ST6GALNAC6: variants seen among roughly 807,000 people sequenced by gnomAD.
ST6GALNAC6 encodes alpha-N-acetylgalactosaminide alpha-2,6-sialyltransferase 6.
In ST6GALNAC6, 19 loss-of-function variants were observed where a neutral mutation model predicts 34.3. That is an observed-to-expected ratio of 0.55 (90% CI 0.39 to 0.81). ST6GALNAC6 has a LOEUF of 0.81. Ranked by LOEUF, ST6GALNAC6 falls within the 40% of genes least tolerant of loss-of-function variation. ST6GALNAC6 has a pLI of 0.00. For synonymous variants in ST6GALNAC6, 185 were observed against 182.1 expected, an observed-to-expected ratio of 1.02 and a Z score of -0.13; for missense variants, 377 against 467.7, an observed-to-expected ratio of 0.81 and a Z score of 1.79.
At chr9:127,906,093 G>T (rs1830910001), upstream of ST6GALNAC6, 2 of 938,784 alleles carry the variant, frequency 2.1e-6, no homozygotes, top group East Asian at 1.2e-4. Flanking sequence ...GGGCACAAAA[G>T]CGGTGCTGTG....
At position 127,886,425 on chromosome 9, in the gene ST6GALNAC6, C is replaced by A; in HGVS notation, c.*174G>T. The A allele has an allele frequency of 6.9e-7, 1 of 1,439,220 alleles. No homozygotes were observed. Among genetic ancestry groups the A allele is most frequent in the South Asian group, 1.5e-5 (1 of 67,834 alleles). The allele number at this position is 1,439,220 out of a possible 1,614,324, so 89.2% of individuals were successfully genotyped here. A position where few individuals can be genotyped will look rare whatever the true frequency, so the allele number is the denominator to read the frequency against. On this transcript the variant is annotated 3_prime_UTR_variant, in exon 7 of 7. Transcript: ENST00000373146. ...CGCATAGACTCCCAAATCCCTGATT[C>A]GCCAACAGATTCCCCAGGCCCTGAT...
At position 127,898,428 on chromosome 9, in the gene ST6GALNAC6, AAAAG is replaced by A. The variant is rs201417634; in HGVS notation, c.-29-422_-29-419del. ...CAAAAATAAATAAATAAAATAAAAT[AAAAG>A]AAAGAAAGAAAGAAAAGAAAGTGCT... On this transcript the variant is annotated intron_variant, in intron 1 of 6. Coordinates refer to ENST00000373146, the MANE Select transcript of ST6GALNAC6 (RefSeq NM_013443.5). Among the ~76,000 whole-genome samples, 1,456 of 152,014 alleles carry A rather than the reference AAAAG, an allele frequency of 9.6e-3. 20 individuals are homozygous for A. Among genetic ancestry groups the A allele is most frequent in the African/African-American group, 0.032 (1,341 of 41,452 alleles).
chr9:127,894,399 C>T (rs1247490024), intron 4 of ST6GALNAC6, 113 bp downstream of exon 4: 3 of 1,333,380 alleles, frequency 2.2e-6, no homozygotes, highest in Non-Finnish European at 3.1e-6. Context: ...AAGATGAAAT[C>T]ACCGGAGGCA....
upstream of ST6GALNAC6, chr9:127,903,950 G>A (rs1332958102): frequency 4.6e-5 from 7 of 152,202 alleles, no homozygotes; most frequent in African/African-American, 1.7e-4. Flanking sequence ...TGGGCCTGGA[G>A]CTGCCTGTCC....
chr9:127,887,921 T>C (rs947813479), intron 5 of ST6GALNAC6, among the ~76,000 whole-genome samples: 39 of 152,212 alleles, frequency 2.6e-4, no homozygotes, highest in African/African-American at 9.2e-4. Flanking sequence ...AAAACAGTTG[T>C]GCCCATGCTA....
chr9:127,894,783 C>T (rs1830352169), intron 3 of ST6GALNAC6, 92 bp from the exon 4 acceptor site: 15 of 1,456,448 alleles, frequency 1.0e-5, no homozygotes, highest in Non-Finnish European at 1.4e-5. Flanking sequence ...TTAACTCCTG[C>T]TTTTTGTTGC....
intron 2 of ST6GALNAC6, chr9:127,896,763 C>G (rs1489424609): frequency 3.3e-5 from 24 of 718,216 alleles, no homozygotes; most frequent in Non-Finnish European, 3.9e-5. Context: ...CTGGAACGCC[C>G]TCCCTCCTAT....
upstream of ST6GALNAC6, among the ~76,000 whole-genome samples, chr9:127,902,160 G>T (rs970818717): frequency 3.9e-5 from 6 of 151,938 alleles, no homozygotes; most frequent in Admixed American, 6.6e-5. Flanking sequence ...AGTGTTTTTG[G>T]TTTTTTGTTT....
At chr9:127,903,055 T>A (rs1265273094), upstream of ST6GALNAC6, 1 of 117,674 alleles carries the variant, frequency 8.5e-6, no homozygotes, top group East Asian at 2.8e-4. Context: ...TGGAGTGCAG[T>A]GGCACGATCT....
Position 127,887,474 on chromosome 9 carries a change from G to C in ST6GALNAC6, c.812+10C>G, listed in dbSNP as rs1829850523. 1.2e-6 allele frequency: 2 copies of C among 1,606,996 alleles called. No individual in the cohort carries two copies. Among genetic ancestry groups the C allele is most frequent in the Non-Finnish European group, 1.7e-6 (2 of 1,175,672 alleles). On this transcript the variant is annotated intron_variant, in intron 6 of 6. Transcript: ENST00000373146. ...GTTGTCCTGGGAGGGCGCTGGCAAG[G>C]AGGGCTCACCTGCAGTAGTTGGGGG...
chr9:127,899,749 G>A (rs73606470), upstream of ST6GALNAC6: 38,958 of 773,514 alleles, frequency 0.05, 1,051 homozygotes, highest in South Asian at 0.098. Flanking sequence ...CCCGGGTGCC[G>A]CCGCCTGGTG....
At chr9:127,904,818 C>A (rs542461297) in intron 1 of ST6GALNAC6, 2 of 152,416 alleles carry the variant, frequency 1.3e-5, no homozygotes, top group Non-Finnish European at 2.9e-5. Context: ...GCCTCTTCCC[C>A]CACAGAGGCT....
At chr9:127,901,439 TA>T (rs1830756189), upstream of ST6GALNAC6, among the ~76,000 whole-genome samples, 1 of 147,170 alleles carries the variant, frequency 6.8e-6, no homozygotes, top group African/African-American at 2.5e-5. Context: ...AAAATACAAA[TA>T]AATTAGCCAG....
At chr9:127,897,773 C>G in intron 2 of ST6GALNAC6, 183 bp downstream of exon 2, 1 of 1,427,314 alleles carries the variant, frequency 7.0e-7, no homozygotes. Context: ...TATCTTACTA[C>G]GCGTGGCCAC....
In ST6GALNAC6 at chr9:127,886,374, GCACAAGAAAGA is replaced by G; in HGVS notation, c.*214_*224del. On this transcript the variant is annotated 3_prime_UTR_variant, in exon 7 of 7. Coordinates refer to ENST00000373146, the MANE Select transcript of ST6GALNAC6 (RefSeq NM_013443.5). ...GATTGACTGTGCGCAGACCCTGACT[GCACAAGAAAGA>G]CACCCCTGATTAACCGCATAGACTC... 4 of 1,350,638 alleles carry G rather than the reference GCACAAGAAAGA, an allele frequency of 3.0e-6. No homozygotes were observed. The highest frequency in any genetic ancestry group is 3.9e-6 in the Non-Finnish European group (4 of 1,022,382). 83.7% of individuals were successfully genotyped at this position (1,350,638 alleles called of 1,614,324 possible).
At chr9:127,899,814 CTTTCG>C (rs1177855090), upstream of ST6GALNAC6, among the ~76,000 whole-genome samples, 1 of 152,216 alleles carries the variant, frequency 6.6e-6, no homozygotes, top group Non-Finnish European at 1.5e-5. Context: ...ATACAACAGC[CTTTCG>C]GCTCCCTGCA....
Position 127,890,562 on chromosome 9 carries a change from C to G in ST6GALNAC6, c.704+75G>C. ...CCCTCAGAGCAGTGCATGCTGGGAG[C>G]AACAGGCCCTCTGGATGGGGCATGC... On this transcript the variant is annotated intron_variant, in intron 5 of 6. Transcript: ENST00000373146. This position sits in a 1 kb window ranked among gnomAD's most constrained non-coding sequence, Gnocchi z 4.3. 1 of 1,595,954 alleles carries G rather than the reference C, an allele frequency of 6.3e-7. No individual in the cohort carries two copies. Among genetic ancestry groups the G allele is most frequent in the Non-Finnish European group, 8.6e-7 (1 of 1,169,250 alleles).
intron 3 of ST6GALNAC6, 91 bp downstream of exon 3, chr9:127,896,151 G>A: frequency 7.1e-7 from 1 of 1,412,770 alleles, no homozygotes; most frequent in Non-Finnish European, 1.0e-6. Flanking sequence ...AGAGACTCGT[G>A]GTGGCTGGGG....
chr9:127,905,725 T>C (rs4837204), upstream of ST6GALNAC6, among the ~76,000 whole-genome samples: 131,365 of 152,232 alleles, frequency 0.86, 59,125 homozygotes, highest in Non-Finnish European at 0.99. Flanking sequence ...TCCTAAGCCA[T>C]GGGGATAGTC....
Sources: allele counts gnomAD v4.1 joint callset (sites outside exome capture counted in the v4.1 genomes callset), GRCh38; gene constraint gnomAD v4.1.1; non-coding constraint Gnocchi (gnomAD v3.1); transcripts MANE v1.5; gene names NCBI Gene and HGNC (gene_info 2026-07-23, HGNC 2026-07-21).